Variants in CIT observed in about 807,000 individuals in gnomAD.
CIT encodes the protein citron Rho-interacting kinase.
Under a neutral mutation model 272.7 loss-of-function variants are expected in CIT, and 79 were observed. The observed-to-expected ratio is 0.29, with a 90% CI of 0.24 to 0.35. The LOEUF is 0.35. Ranked by LOEUF, CIT falls within the 10% of genes least tolerant of loss-of-function variation. The pLI, the probability that CIT is intolerant of heterozygous loss-of-function variation, is 1.00. For missense variants in CIT, 1,909 were observed against 2,618.3 expected (o/e 0.73, Z 5.91); for synonymous variants, 948 against 995.6 (o/e 0.95, Z 0.90).
chr12:119,804,838 G>C lies in CIT; in HGVS notation c.1112-1449C>G, dbSNP rs1347392734. 6.6e-6 allele frequency among the ~76,000 whole-genome samples: 1 copy of C among 152,220 alleles called. No individual in the cohort carries two copies. Among genetic ancestry groups the C allele is most frequent in the Non-Finnish European group, 1.5e-5 (1 of 68,046 alleles). On this transcript the variant is annotated intron_variant, in intron 9 of 47. Coordinates refer to ENST00000392521, the MANE Select transcript of CIT (RefSeq NM_001206999.2). The surrounding 1 kb of genome is among the most constrained non-coding windows in gnomAD (Gnocchi z 5.3). ...AGGTACATTGAGATGAGGTGGGAGA[G>C]TGAGGAAGATTTAAGATGTAAAATG...
At chr12:119,869,748 G>C (rs1950613933) in intron 2 of CIT, among the ~76,000 whole-genome samples, 1 of 152,176 alleles carries the variant, frequency 6.6e-6, no homozygotes. Flanking sequence ...TTGGCCTGTA[G>C]TGTTTAAGAT....
At chr12:119,833,402 C>A (rs1359341955) in intron 6 of CIT, among the ~76,000 whole-genome samples, 3 of 152,150 alleles carry the variant, frequency 2.0e-5, no homozygotes, top group Admixed American at 2.0e-4. Context: ...CATGGTGGCT[C>A]ATGCCTGTAA....
chr12:119,730,316 G>A (rs1056197865), intron 27 of CIT, among the ~76,000 whole-genome samples, 179 bp downstream of exon 27: 3 of 148,850 alleles, frequency 2.0e-5, no homozygotes, highest in African/African-American at 7.3e-5. Flanking sequence ...ACCCACCCAC[G>A]CTACTGCCAA....
intron 9 of CIT, among the ~76,000 whole-genome samples, chr12:119,806,533 G>A (rs978296706): frequency 6.6e-6 from 1 of 152,128 alleles, no homozygotes; most frequent in Non-Finnish European, 1.5e-5. Context: ...CAGGATCACT[G>A]AGCCCTTGGA....
intron 47 of CIT, among the ~76,000 whole-genome samples, chr12:119,689,819 A>G (rs942163608): frequency 1.3e-5 from 2 of 151,716 alleles, no homozygotes; most frequent in Non-Finnish European, 2.9e-5. Flanking sequence ...CTGGGACTAC[A>G]GGCACCAGCC....
At chr12:119,730,681 G>T (rs1048946875) in intron 26 of CIT, 51 bp from the exon 27 acceptor site, 7 of 1,585,214 alleles carry the variant, frequency 4.4e-6, no homozygotes, top group Non-Finnish European at 6.0e-6. Flanking sequence ...CAGCTGACCT[G>T]CGGAAAGAAG....
chr12:119,845,706 C>T (rs1295601804), intron 5 of CIT, among the ~76,000 whole-genome samples: 3 of 148,328 alleles, frequency 2.0e-5, no homozygotes, highest in Non-Finnish European at 4.4e-5. Context: ...AATCCCAGCA[C>T]TTTGGGAGGT....
At chr12:119,859,701 G>C (rs1457498650) in intron 3 of CIT, among the ~76,000 whole-genome samples, 2 of 151,984 alleles carry the variant, frequency 1.3e-5, no homozygotes, top group African/African-American at 4.8e-5. Flanking sequence ...TTTAATCTCA[G>C]CTGCTCGGGA....
At chr12:119,832,970 T>C (rs1968749525) in intron 6 of CIT, 106 bp from the exon 7 acceptor site, 3 of 726,172 alleles carry the variant, frequency 4.1e-6, no homozygotes, top group Non-Finnish European at 7.2e-6. Flanking sequence ...TGTATTCTGT[T>C]ATATAGACCT....
intron 5 of CIT, among the ~76,000 whole-genome samples, chr12:119,849,505 T>C (rs1316320674): frequency 6.6e-6 from 1 of 152,200 alleles, no homozygotes; most frequent in Non-Finnish European, 1.5e-5. Flanking sequence ...CATTTTCTTA[T>C]AACAACCATG....
intron 9 of CIT, among the ~76,000 whole-genome samples, chr12:119,814,179 G>A (rs1449485243): frequency 6.6e-6 from 1 of 152,060 alleles, no homozygotes; most frequent in East Asian, 1.9e-4. Flanking sequence ...GAATAAAGTA[G>A]AATATTACAT....
At chr12:119,775,732 G>T (rs1358794037) in intron 16 of CIT, 54 bp downstream of exon 16, 3 of 1,378,802 alleles carry the variant, frequency 2.2e-6, no homozygotes, top group Non-Finnish European at 2.1e-6. Context: ...AGGCAAAGAT[G>T]TTTGGAAAGG....
intron 5 of CIT, among the ~76,000 whole-genome samples, chr12:119,848,645 G>A (rs1212055977): frequency 6.6e-6 from 1 of 152,176 alleles, no homozygotes; most frequent in Non-Finnish European, 1.5e-5. Flanking sequence ...GGATACACTG[G>A]TGAAAGGCAA....
intron 4 of CIT, among the ~76,000 whole-genome samples, chr12:119,854,451 A>G (rs1470984568): frequency 2.0e-5 from 3 of 151,580 alleles, no homozygotes; most frequent in African/African-American, 7.3e-5. Context: ...CAGCCTGGCC[A>G]ACATGGCAAA....
chr12:119,775,857 G>A lies in CIT; in HGVS notation c.1888-18C>T, dbSNP rs1309781224. On this transcript the variant is annotated intron_variant, in intron 15 of 47. Coordinates refer to ENST00000392521, the MANE Select transcript of CIT (RefSeq NM_001206999.2). ...GCATTGATCTATAATTAAAATCCCA[G>A]GAAATAAAGCAAAAGGCAAATCAGC... is the stretch of plus-strand genomic sequence containing the variant. The A allele has an allele frequency of 1.0e-5, 16 of 1,606,668 alleles. No individual in the cohort carries two copies. The highest frequency in any genetic ancestry group is 1.3e-5 in the Non-Finnish European group (15 of 1,174,960).
rs374311938 is a variant in CIT, at chr12:119,857,601, C to G, written c.336G>C (p.Gln112His). Residue 112 changes from glutamine (Q) to histidine (H), a missense_variant, in exon 4 of 48, where the codon CAG (glutamine) becomes CAC (histidine). Coordinates refer to ENST00000392521, the MANE Select transcript of CIT (RefSeq NM_001206999.2). The stretch of plus-strand genomic sequence containing the variant: ...CCCCGGTTGCTTTCTCTCTTACCAC[C>G]TGCACTTCAGCAAAGTGACCACAAC... ...LVGCGHFAEV[Q>H]VVREKATGDI... The G allele has an allele frequency of 2.5e-6, 4 of 1,614,120 alleles. No individual in the cohort carries two copies. The African/African-American group carries it at 5.3e-5, about 22-fold the overall frequency.
Position 119,803,190 on chromosome 12 carries a change from T to C in CIT, c.1295+16A>G, listed in dbSNP as rs758457617. ...CATCAATGCAGGTCCCTTTAGAAAG[T>C]CAAATTTTCACTTACTCAGATCTAC... On this transcript the variant is annotated intron_variant, in intron 10 of 47. Coordinates refer to ENST00000392521, the MANE Select transcript of CIT (RefSeq NM_001206999.2). 2 of 1,264,200 alleles carry C rather than the reference T, an allele frequency of 1.6e-6. No homozygotes were observed. The highest frequency in any genetic ancestry group is 2.0e-6 in the Non-Finnish European group (2 of 987,310). The allele number at this position is 1,264,200 out of a possible 1,614,324, so 78.3% of individuals were successfully genotyped here.
At chr12:119,849,527 T>C (rs1013730982) in intron 5 of CIT, among the ~76,000 whole-genome samples, 2 of 152,192 alleles carry the variant, frequency 1.3e-5, no homozygotes, top group Admixed American at 6.5e-5. Context: ...ACTATTATCA[T>C]TTTTTTAATC....
At chr12:119,828,722 C>T (rs1248477196) in intron 7 of CIT, among the ~76,000 whole-genome samples, 1 of 152,060 alleles carries the variant, frequency 6.6e-6, no homozygotes, top group Non-Finnish European at 1.5e-5. Context: ...ACCACCACAC[C>T]CAGCTAACTT....
Sources: allele counts gnomAD v4.1 joint callset (sites outside exome capture counted in the v4.1 genomes callset), GRCh38; gene constraint gnomAD v4.1.1; non-coding constraint Gnocchi (gnomAD v3.1); transcripts MANE v1.5; gene names NCBI Gene and HGNC (gene_info 2026-07-23, HGNC 2026-07-21).